DLGAP1: variants seen among roughly 807,000 people sequenced by gnomAD.
DLGAP1 encodes the protein DLG associated protein 1.
Under a neutral mutation model 90.8 loss-of-function variants are expected in DLGAP1, and 11 were observed. The observed-to-expected ratio is 0.12, with a 90% CI of 0.08 to 0.20. The LOEUF (loss-of-function observed/expected upper bound fraction) is 0.20. Ranked by LOEUF, DLGAP1 falls within the 10% of genes least tolerant of loss-of-function variation. The pLI, the probability that DLGAP1 is intolerant of heterozygous loss-of-function variation, is 1.00. For missense variants in DLGAP1, 1,050 were observed against 1,333.8 expected (o/e 0.79, Z 3.31); for synonymous variants, 558 against 540.7 (o/e 1.03, Z -0.44).
chr18:4,168,837 G>A (rs1422833419), intron 1 of DLGAP1, among the ~76,000 whole-genome samples: 2 of 152,148 alleles, frequency 1.3e-5, no homozygotes, highest in Non-Finnish European at 2.9e-5. Flanking sequence ...TACCACCTCA[G>A]CCTTCCAAGT....
chr18:3,509,648 A>G (rs956894924), intron 10 of DLGAP1, among the ~76,000 whole-genome samples: 1 of 152,226 alleles, frequency 6.6e-6, no homozygotes, highest in African/African-American at 2.4e-5. Context: ...GGGATGATAT[A>G]GTACAGGATT....
intron 11 of DLGAP1, among the ~76,000 whole-genome samples, chr18:3,502,913 T>C (rs187872829): frequency 6.6e-5 from 10 of 152,174 alleles, no homozygotes; most frequent in Admixed American, 2.6e-4. Flanking sequence ...GGTCTAAACA[T>C]ATGAAAAATT....
chr18:3,659,880 C>T (rs1443165912), intron 7 of DLGAP1, among the ~76,000 whole-genome samples: 1 of 152,072 alleles, frequency 6.6e-6, no homozygotes, highest in Admixed American at 6.5e-5. Flanking sequence ...CCTATTTCTT[C>T]TACTTCATCT....
rs1214030164 is a variant in DLGAP1 at position 4,026,208 on chromosome 18, G to A, written c.-158-21007C>T. On this transcript the variant is annotated intron_variant, in intron 2 of 12. Coordinates refer to ENST00000315677, the MANE Select transcript of DLGAP1 (RefSeq NM_004746.4). Reference sequence around the variant, plus strand: ...TTAGGTTAAGTTGAATTTAGTTTAAGAAGTGCTAGAAAAAGGCTTCTGAAC... The same window carrying A: ...TTAGGTTAAGTTGAATTTAGTTTAAAAAGTGCTAGAAAAAGGCTTCTGAAC... Among the ~76,000 whole-genome samples, 3 of 152,326 alleles carry A rather than the reference G, an allele frequency of 2.0e-5. No individual in the cohort carries two copies. In the East Asian group the frequency reaches 5.8e-4, roughly 29 times the overall value.
At chr18:3,713,181 C>T (rs568323951) in intron 7 of DLGAP1, among the ~76,000 whole-genome samples, 2 of 152,314 alleles carry the variant, frequency 1.3e-5, no homozygotes, top group South Asian at 4.2e-4. Flanking sequence ...TCTCTGTTTC[C>T]CTGCTTCTTT....
At chr18:4,329,461 T>C (rs2080899922) in intron 1 of DLGAP1, among the ~76,000 whole-genome samples, 1 of 151,976 alleles carries the variant, frequency 6.6e-6, no homozygotes, top group Non-Finnish European at 1.5e-5. Flanking sequence ...TAAAATTTTG[T>C]TTAATTACTC....
At chr18:3,880,932 G>C (rs2071144812) in intron 3 of DLGAP1, among the ~76,000 whole-genome samples, 1 of 111,726 alleles carries the variant, frequency 9.0e-6, no homozygotes, top group Admixed American at 1.3e-4. Flanking sequence ...GACAGAGCCA[G>C]ACTCCATCTC....
At chr18:4,381,539 C>T (rs1007324593) in intron 1 of DLGAP1, among the ~76,000 whole-genome samples, 2 of 152,086 alleles carry the variant, frequency 1.3e-5, no homozygotes, top group Non-Finnish European at 2.9e-5. Flanking sequence ...GTGTTTCTTA[C>T]CTCCTTTCTA....
intron 2 of DLGAP1, among the ~76,000 whole-genome samples, chr18:4,109,873 GT>G (rs1167570247): frequency 1.3e-5 from 2 of 151,734 alleles, no homozygotes; most frequent in African/African-American, 4.8e-5. Context: ...TTTTCTAGGT[GT>G]TTTTTTGTTT....
intron 7 of DLGAP1, among the ~76,000 whole-genome samples, chr18:3,672,608 AAGTTAATGAG>A (rs2060137121): frequency 9.3e-6 from 1 of 107,824 alleles, no homozygotes. Flanking sequence ...AAAAAAAAAA[AAGTTAATGAG>A]AAACAGGTAG....
intron 6 of DLGAP1, among the ~76,000 whole-genome samples, chr18:3,735,222 T>A (rs1256675862): frequency 6.6e-6 from 1 of 152,140 alleles, no homozygotes; most frequent in African/African-American, 2.4e-5. Flanking sequence ...AATGTCAAAA[T>A]GCGTATTTTT....
intron 1 of DLGAP1, among the ~76,000 whole-genome samples, chr18:4,411,878 G>A (rs951504455): frequency 5.9e-5 from 9 of 152,254 alleles, no homozygotes; most frequent in Admixed American, 2.0e-4. Flanking sequence ...GGGCTTGGAA[G>A]TCCGAGAACA....
chr18:3,600,947 T>TAGATATAG (rs1568279584), intron 7 of DLGAP1, among the ~76,000 whole-genome samples: 1 of 81,034 alleles, frequency 1.2e-5, no homozygotes, highest in African/African-American at 4.7e-5. Context: ...TAGATAGATA[T>TAGATATAG]ATAGATATAT....
At chr18:3,541,042 C>A (rs1324804982) in intron 9 of DLGAP1, among the ~76,000 whole-genome samples, 1 of 152,134 alleles carries the variant, frequency 6.6e-6, no homozygotes, top group African/African-American at 2.4e-5. Flanking sequence ...CCAGAAGGAA[C>A]TGCTTTACCT....
At position 3,499,894 on chromosome 18, in the gene DLGAP1, T is replaced by C. The variant is rs1009432370; in HGVS notation, c.2725-500A>G. On this transcript the variant is annotated intron_variant, in intron 12 of 12. Coordinates refer to ENST00000315677, the MANE Select transcript of DLGAP1 (RefSeq NM_004746.4). This position sits in a 1 kb window ranked among gnomAD's most constrained non-coding sequence, Gnocchi z 6.4. The stretch of plus-strand genomic sequence containing the variant: ...CCCACCGTCCCCTTCCCACCAAACC[T>C]AAATAAACAGAGGAGGAAGAAGAGA... Among the ~76,000 whole-genome samples, 4 of 152,078 alleles carry C rather than the reference T, an allele frequency of 2.6e-5. No homozygotes were observed. The highest frequency in any genetic ancestry group is 5.9e-5 in the Non-Finnish European group (4 of 68,014).
chr18:3,693,702 A>T (rs1017946730), intron 7 of DLGAP1, among the ~76,000 whole-genome samples: 10 of 152,218 alleles, frequency 6.6e-5, no homozygotes, highest in Admixed American at 2.0e-4. Context: ...AGACGACCCC[A>T]ATACACTTAA....
At chr18:3,721,307 G>C (rs1378630987) in intron 7 of DLGAP1, among the ~76,000 whole-genome samples, 1 of 152,124 alleles carries the variant, frequency 6.6e-6, no homozygotes, top group East Asian at 1.9e-4. Flanking sequence ...AACAGAATTT[G>C]CCACCTGCTT....
At chr18:4,363,636 T>C (rs779645583) in intron 1 of DLGAP1, among the ~76,000 whole-genome samples, 14 of 151,302 alleles carry the variant, frequency 9.3e-5, no homozygotes, top group East Asian at 1.9e-4. Flanking sequence ...ATTTATGCAG[T>C]CAAAAAACAC....
chr18:4,387,923 T>TCACA (rs869144582), intron 1 of DLGAP1, among the ~76,000 whole-genome samples: 665 of 33,672 alleles, frequency 0.02, 17 homozygotes, highest in African/African-American at 0.037. Flanking sequence ...AGAGACTCCA[T>TCACA]CACACATACA....
Sources: gnomAD v4.1 joint callset for allele counts (sites outside exome capture counted in the v4.1 genomes callset) on GRCh38, gnomAD v4.1.1 for gene constraint, Gnocchi (gnomAD v3.1) non-coding constraint, MANE v1.5 for transcripts, NCBI Gene and HGNC (gene_info 2026-07-23, HGNC 2026-07-21) for gene names.